XPNPEP2: variants seen among roughly 807,000 people sequenced by gnomAD.
XPNPEP2 encodes X-prolyl aminopeptidase 2, also known as xaa-Pro aminopeptidase 2.
In XPNPEP2, 64 loss-of-function variants were observed where a neutral mutation model predicts 59.8. That is an observed-to-expected ratio of 1.07 (90% CI 0.87 to 1.32). The LOEUF is 1.32. Ranked by LOEUF, XPNPEP2 falls within the 40% of genes most tolerant of loss-of-function variation. The probability of loss-of-function intolerance (pLI) is 0.00; values close to 1 mark genes in which losing one functional copy is unlikely to be tolerated. For missense variants in XPNPEP2, 575 were observed against 546.8 expected (o/e 1.05, Z -0.51); for synonymous variants, 235 against 210.0 (o/e 1.12, Z -1.03).
chrX:129,740,957 G>T (rs1040466657), intron 1 of XPNPEP2, among the ~76,000 whole-genome samples: 1 of 107,303 alleles, frequency 9.3e-6, no homozygotes, highest in African/African-American at 3.4e-5. Context: ...AAAAAAAGGA[G>T]GGGGGGCGGG....
intron 18 of XPNPEP2, 54 bp from the exon 19 acceptor site, chrX:129,762,640 C>T: frequency 1.8e-6 from 2 of 1,128,321 alleles, no homozygotes; most frequent in Non-Finnish European, 2.4e-6. Context: ...TACAGGAAGC[C>T]TGGGCTTGGG....
chrX:129,750,621 C>T, intron 8 of XPNPEP2, 52 bp downstream of exon 8: 1 of 1,035,473 alleles, frequency 9.7e-7, no homozygotes, highest in Non-Finnish European at 1.3e-6. Flanking sequence ...CCCAATGCCC[C>T]AAGCCTCCCG....
At position 129,739,068 on chromosome X, in the gene XPNPEP2, C is replaced by T; in HGVS notation, c.-146C>T. On this transcript the variant is annotated 5_prime_UTR_variant, in exon 1 of 21. Transcript: ENST00000371106. ...AAAGACCAGAGAAGCACTCTCCACC[C>T]AGCAGCCAGACGCCTCCTTCTTGAC... 2 of 582,073 alleles carry T rather than the reference C, an allele frequency of 3.4e-6. No individual in the cohort carries two copies. The highest frequency in any genetic ancestry group is 3.0e-5 in the Admixed American group (1 of 33,256). The allele number at this position is 582,073 out of a possible 1,213,427, so 48.0% of individuals were successfully genotyped here. A position where few individuals can be genotyped will look rare whatever the true frequency, so the allele number is the denominator to read the frequency against.
intron 18 of XPNPEP2, 31 bp from the exon 19 acceptor site, chrX:129,762,663 T>G (rs771285236): frequency 8.4e-7 from 1 of 1,194,419 alleles, no homozygotes; most frequent in Non-Finnish European, 1.1e-6. Context: ...CTCTCCCAGC[T>G]TAATGCCACC....
chrX:129,747,510 G>A, intron 6 of XPNPEP2, 97 bp from the exon 7 acceptor site: 1 of 1,129,684 alleles, frequency 8.9e-7, no homozygotes, highest in East Asian at 3.0e-5. Flanking sequence ...GGCTGCAAAG[G>A]GAGGCAAAGG....
At chrX:129,742,881 G>A (rs191554823) in intron 2 of XPNPEP2, among the ~76,000 whole-genome samples, 13 of 111,904 alleles carry the variant, frequency 1.2e-4, no homozygotes, top group East Asian at 2.8e-4. Context: ...CAGTCTGGGC[G>A]ACAGAGCAAG....
rs1295596044 is a variant in XPNPEP2 at position 129,760,577 on chromosome X, A to G, written c.1494A>G (p.Thr498=). The change falls in exon 16 of 21, where the codon ACA becomes ACG. Residue 498 remains threonine, a synonymous_variant. Coordinates refer to ENST00000371106, the MANE Select transcript of XPNPEP2 (RefSeq NM_003399.6). ...CCAGGCTCATCTTTCCCGCTGCTAC[A>G]TCAGGTGGGTTTCAGAAACCAGTCT... is the stretch of plus-strand genomic sequence containing the variant. The part of the protein sequence containing the change: ...DLSRLIFPAA[T]SGRMVEAFAR... 2 of 1,211,709 alleles carry G rather than the reference A, an allele frequency of 1.7e-6. No individual in the cohort carries two copies. Among genetic ancestry groups the G allele is most frequent in the Admixed American group, 4.3e-5 (2 of 46,058 alleles).
rs1477489234 is a variant in XPNPEP2 at position 129,742,099 on chromosome X, G to A, written c.50-9G>A. The A allele has an allele frequency of 1.2e-5, 14 of 1,205,769 alleles. No homozygotes were observed. In the East Asian group the frequency reaches 1.2e-4, roughly 10 times the overall value. The stretch of plus-strand genomic sequence containing the variant: ...CCAAATGACCCTGGATTTTTCTCCC[G>A]GCTTCTAGCTTGTGCCTGGGGCCAC... On this transcript the variant is annotated splice_polypyrimidine_tract_variant and intron_variant, in intron 1 of 20. Transcript: ENST00000371106.
At chrX:129,747,389 C>T (rs1313339137) in intron 6 of XPNPEP2, among the ~76,000 whole-genome samples, 1 of 111,948 alleles carries the variant, frequency 8.9e-6, no homozygotes, top group Non-Finnish European at 1.9e-5. Context: ...AGAGTAGGCT[C>T]AGGGCATTAG....
chrX:129,751,159 A>G (rs1299299853), intron 8 of XPNPEP2, among the ~76,000 whole-genome samples: 6 of 88,735 alleles, frequency 6.8e-5, no homozygotes, highest in African/African-American at 2.2e-4. Context: ...TGATACAAGC[A>G]TGCTGTTGGT....
At chrX:129,755,013 G>T (rs1414635901) in intron 12 of XPNPEP2, among the ~76,000 whole-genome samples, 1 of 111,870 alleles carries the variant, frequency 8.9e-6, no homozygotes, top group Admixed American at 9.4e-5. Context: ...AGGACTGGGG[G>T]AGTTTTCAGA....
Position 129,739,076 on chromosome X carries a change from A to G in XPNPEP2, c.-138A>G. 1 of 610,736 alleles carries G rather than the reference A, an allele frequency of 1.6e-6. No individual in the cohort carries two copies. The allele number at this position is 610,736 out of a possible 1,213,427, so 50.3% of individuals were successfully genotyped here. The stretch of plus-strand genomic sequence containing the variant: ...GAGAAGCACTCTCCACCCAGCAGCC[A>G]GACGCCTCCTTCTTGACGCCAGCCC... On this transcript the variant is annotated 5_prime_UTR_variant, in exon 1 of 21. Transcript: ENST00000371106.
At chrX:129,764,501 C>G (rs945692656) in intron 19 of XPNPEP2, among the ~76,000 whole-genome samples, 25 of 108,780 alleles carry the variant, frequency 2.3e-4, no homozygotes, top group African/African-American at 7.7e-4. Context: ...ACTAAAAATA[C>G]AAAATTAGCC....
rs1250912733 is a variant in XPNPEP2 at position 129,764,844 on chromosome X, A to G, written c.1740+2074A>G. 5.5e-5 allele frequency among the ~76,000 whole-genome samples: 6 copies of G among 109,343 alleles called. No individual in the cohort carries two copies. The Admixed American group carries it at 5.9e-4, about 11-fold the overall frequency. The allele number at this position is 109,343 out of a possible 115,157, so 95.0% of individuals were successfully genotyped here. A position where few individuals can be genotyped will look rare whatever the true frequency, so the allele number is the denominator to read the frequency against. On this transcript the variant is annotated intron_variant, in intron 19 of 20. Transcript: ENST00000371106. ...CCAGGCGTGGTAGTGTGTGCCTGTAATCTCAGCTACTCAGGAGGCTGAGGC... is the reference window on the plus strand; with the variant it reads ...CCAGGCGTGGTAGTGTGTGCCTGTAGTCTCAGCTACTCAGGAGGCTGAGGC...
At chrX:129,755,776 C>T (rs992101976) in intron 13 of XPNPEP2, among the ~76,000 whole-genome samples, 15 of 112,954 alleles carry the variant, frequency 1.3e-4, no homozygotes, top group Non-Finnish European at 2.6e-4. Context: ...TGCAGGCCTG[C>T]CTGATGAAAA....
chrX:129,753,370 C>T, intron 11 of XPNPEP2, 122 bp downstream of exon 11: 5 of 644,122 alleles, frequency 7.8e-6, no homozygotes, highest in South Asian at 5.5e-5. Context: ...AAGCTGGGCG[C>T]GGTGGCTCAC....
chrX:129,745,645 C>T (rs1356364963), intron 4 of XPNPEP2, among the ~76,000 whole-genome samples: 1 of 111,716 alleles, frequency 9.0e-6, no homozygotes, highest in Admixed American at 9.4e-5. Context: ...TTTCCTTTGC[C>T]GGTTGTTTTA....
intron 7 of XPNPEP2, among the ~76,000 whole-genome samples, chrX:129,748,556 C>T (rs1164565521): frequency 1.8e-5 from 2 of 112,012 alleles, no homozygotes; most frequent in African/African-American, 3.2e-5. Flanking sequence ...CATAATTTCT[C>T]ACTTAGAAAG....
chrX:129,767,507 G>A, intron 19 of XPNPEP2, 96 bp from the exon 20 acceptor site: 1 of 892,602 alleles, frequency 1.1e-6, no homozygotes. Flanking sequence ...CCAGCTCCTT[G>A]TGTCCTCCGG....
Sources: gnomAD v4.1 joint callset for allele counts (sites outside exome capture counted in the v4.1 genomes callset) on GRCh38, gnomAD v4.1.1 for gene constraint, MANE v1.5 for transcripts, NCBI Gene and HGNC (gene_info 2026-07-23, HGNC 2026-07-21) for gene names.